The following FAM184A variants were observed in gnomAD, a reference collection of about 807,000 sequenced individuals.
FAM184A encodes protein FAM184A.
FAM184A carries 99 observed loss-of-function variants against 143.8 expected under a neutral mutation model. That is an observed-to-expected ratio of 0.69 (90% CI 0.58 to 0.81). FAM184A has a LOEUF of 0.81. Among genes scored for constraint, FAM184A ranks in the 40% least tolerant of loss-of-function variants. The pLI, the probability that FAM184A is intolerant of heterozygous loss-of-function variation, is 0.00. For synonymous variants in FAM184A, 427 were observed against 446.4 expected (o/e 0.96, Z 0.55); for missense variants, 1,217 against 1,310.5 (o/e 0.93, Z 1.10).
chr6:119,017,354 T>C (rs1562475309), intron 4 of FAM184A, among the ~76,000 whole-genome samples: 1 of 151,976 alleles, frequency 6.6e-6, no homozygotes, highest in Non-Finnish European at 1.5e-5. Flanking sequence ...AAAAATTAGC[T>C]GGGCGCGGTG....
chr6:119,046,235 T>C (rs540952356), intron 1 of FAM184A, among the ~76,000 whole-genome samples: 48 of 152,040 alleles, frequency 3.2e-4, no homozygotes, highest in Non-Finnish European at 5.7e-4. Context: ...CCTTTTTTTT[T>C]TTTTTTGAGA....
chr6:119,138,614 A>G (rs1019989193), intron 1 of FAM184A, among the ~76,000 whole-genome samples: 2 of 105,682 alleles, frequency 1.9e-5, no homozygotes, highest in African/African-American at 1.6e-4. Flanking sequence ...TATTATTATT[A>G]TTATTATTAT....
intron 9 of FAM184A, among the ~76,000 whole-genome samples, chr6:118,982,419 G>A (rs1784051506): frequency 6.6e-6 from 1 of 152,166 alleles, no homozygotes; most frequent in African/African-American, 2.4e-5. Flanking sequence ...ATACGGGAAA[G>A]CTGGAAAGGG....
At chr6:119,122,391 A>G (rs1789239242) in intron 1 of FAM184A, among the ~76,000 whole-genome samples, 1 of 152,126 alleles carries the variant, frequency 6.6e-6, no homozygotes, top group Non-Finnish European at 1.5e-5. Flanking sequence ...AGGAGACTTT[A>G]TTTTTTACAA....
chr6:119,145,817 T>C (rs1772406717), intron 1 of FAM184A, among the ~76,000 whole-genome samples: 1 of 152,254 alleles, frequency 6.6e-6, no homozygotes, highest in Non-Finnish European at 1.5e-5. Context: ...CCAGGCATTG[T>C]GCTAAATCTT....
intron 14 of FAM184A, among the ~76,000 whole-genome samples, chr6:118,971,132 G>A (rs1017063842): frequency 6.6e-6 from 1 of 152,016 alleles, no homozygotes; most frequent in Non-Finnish European, 1.5e-5. Context: ...GCACTTTAAC[G>A]CTGAACCTTT....
intron 1 of FAM184A, among the ~76,000 whole-genome samples, chr6:119,126,493 C>T (rs557913356): frequency 1.0e-3 from 159 of 152,270 alleles, no homozygotes; most frequent in African/African-American, 3.6e-3. Context: ...CCTAGTGGGA[C>T]GGGGAGTGTA....
intron 17 of FAM184A, 42 bp downstream of exon 17, chr6:118,961,719 T>C: frequency 1.3e-6 from 2 of 1,524,914 alleles, no homozygotes; most frequent in Non-Finnish European, 1.8e-6. Flanking sequence ...ATTTCTCAAG[T>C]TAAAAAAGAA....
upstream of FAM184A, among the ~76,000 whole-genome samples, chr6:119,080,327 G>A (rs553895913): frequency 5.3e-5 from 8 of 152,236 alleles, no homozygotes; most frequent in East Asian, 1.9e-4. Flanking sequence ...CTTCCAGCTC[G>A]GACTTGGTAA....
chr6:119,037,889 T>C (rs912882697), intron 1 of FAM184A, among the ~76,000 whole-genome samples: 3 of 152,194 alleles, frequency 2.0e-5, no homozygotes, highest in East Asian at 3.8e-4. Context: ...TAAACTCTTA[T>C]CTTGGATAAA....
At chr6:119,104,271 T>A (rs9489591) in intron 1 of FAM184A, among the ~76,000 whole-genome samples, 1 of 152,104 alleles carries the variant, frequency 6.6e-6, no homozygotes, top group African/African-American at 2.4e-5. Context: ...CCTCCCAAAG[T>A]ACTGGAATTA....
At chr6:119,085,344 A>G (rs922942827) in intron 1 of FAM184A, among the ~76,000 whole-genome samples, 3 of 152,228 alleles carry the variant, frequency 2.0e-5, no homozygotes, top group African/African-American at 7.2e-5. Context: ...TCTCAAGTTC[A>G]AAGTTCCACA....
At chr6:119,055,184 T>C (rs1372465646) in intron 1 of FAM184A, among the ~76,000 whole-genome samples, 1 of 152,210 alleles carries the variant, frequency 6.6e-6, no homozygotes, top group African/African-American at 2.4e-5. Context: ...TCACTTAGCA[T>C]AATGTTTTCA....
At chr6:119,075,895 T>C (rs1273139014) in intron 1 of FAM184A, among the ~76,000 whole-genome samples, 2 of 152,224 alleles carry the variant, frequency 1.3e-5, no homozygotes, top group African/African-American at 4.8e-5. Flanking sequence ...GCAAGTCTTA[T>C]ATGTTTGTAG....
In FAM184A at chr6:118,966,954, T is replaced by C; in HGVS notation, c.2916-2A>G. 1.4e-6 allele frequency: 2 copies of C among 1,402,614 alleles called. No individual in the cohort carries two copies. The highest frequency in any genetic ancestry group is 2.0e-6 in the Non-Finnish European group (2 of 999,768). The allele number at this position is 1,402,614 out of a possible 1,614,324, so 86.9% of individuals were successfully genotyped here. The stretch of plus-strand genomic sequence containing the variant: ...TATTTTTCTTCCATTTCTTCTAATC[T>C]GAAAACAAGAAAGACTTTAGCTCAT... On this transcript the variant is annotated splice_acceptor_variant, in intron 14 of 17. Coordinates refer to ENST00000338891, the MANE Select transcript of FAM184A (RefSeq NM_024581.6). LOFTEE classifies it high-confidence loss of function.
intron 1 of FAM184A, among the ~76,000 whole-genome samples, chr6:119,122,316 C>CT (rs1185808757): frequency 6.6e-6 from 1 of 152,072 alleles, no homozygotes; most frequent in Non-Finnish European, 1.5e-5. Context: ...GAGCAAGCTC[C>CT]TTTTTTATGC....
intron 9 of FAM184A, among the ~76,000 whole-genome samples, chr6:118,996,044 C>T (rs1378782363): frequency 6.6e-6 from 1 of 152,162 alleles, no homozygotes; most frequent in Non-Finnish European, 1.5e-5. Flanking sequence ...AGTTCCATCT[C>T]TTCATTCTCT....
intron 1 of FAM184A, among the ~76,000 whole-genome samples, chr6:119,130,691 G>A (rs1237574411): frequency 2.0e-5 from 3 of 151,416 alleles, no homozygotes; most frequent in Non-Finnish European, 3.0e-5. Context: ...TTAAACAAAC[G>A]TCAAATTGCC....
In FAM184A at chr6:119,002,943, C is replaced by A. The variant is rs778598852; in HGVS notation, c.2044G>T (p.Ala682Ser). 2 of 1,612,428 alleles carry A rather than the reference C, an allele frequency of 1.2e-6. No individual in the cohort carries two copies. The highest frequency in any genetic ancestry group is 1.7e-6 in the Non-Finnish European group (2 of 1,179,512). Residue 682 changes from alanine (A) to serine (S), a missense_variant, in exon 9 of 18, where the codon GCA (alanine) becomes TCA (serine). Physicochemically the swap from Ala to Ser is moderately conservative, Grantham distance 99. Transcript: ENST00000338891. ...LQLKDREKNA[A>S]RDSWQKKVED... is the part of the protein sequence containing the mutation. ...ACTTTCTTCTGCCATGAATCTCTTGCTGCATTTTTCTCTCGATCTTTCAAC... is the reference window on the plus strand; with the variant it reads ...ACTTTCTTCTGCCATGAATCTCTTGATGCATTTTTCTCTCGATCTTTCAAC...
Sources: allele counts gnomAD v4.1 joint callset (sites outside exome capture counted in the v4.1 genomes callset), GRCh38; gene constraint gnomAD v4.1.1; transcripts MANE v1.5; gene names NCBI Gene and HGNC (gene_info 2026-07-23, HGNC 2026-07-21).